Variants in TGFBR2 observed in about 807,000 individuals in gnomAD.
TGFBR2 encodes TGF-beta receptor type-2.
TGFBR2 carries 18 observed loss-of-function variants against 49.0 expected under a neutral mutation model. The observed-to-expected ratio is 0.37, with a 90% CI of 0.25 to 0.54. The LOEUF (loss-of-function observed/expected upper bound fraction) is 0.54. Ranked by LOEUF, TGFBR2 falls within the 20% of genes least tolerant of loss-of-function variation. The pLI is 0.85. For synonymous variants in TGFBR2, 282 were observed against 275.9 expected (o/e 1.02, Z -0.22); for missense variants, 525 against 722.6 (o/e 0.73, Z 3.13).
In TGFBR2 at chr3:30,693,296, G is replaced by A. The variant is rs1476116737; in HGVS notation, c.*1697G>A. 4.3e-6 allele frequency: 1 copy of A among 233,692 alleles called. No individual in the cohort carries two copies. Among genetic ancestry groups the A allele is most frequent in the African/African-American group, 2.2e-5 (1 of 45,348 alleles). 14.5% of individuals were successfully genotyped at this position (233,692 alleles called of 1,614,324 possible). A position where few individuals can be genotyped will look rare whatever the true frequency, so the allele number is the denominator to read the frequency against. On this transcript the variant is annotated 3_prime_UTR_variant, in exon 7 of 7. Transcript: ENST00000295754. Reference sequence around the variant, plus strand: ...AGAAATTACTAGAGAGGATTTGAATGTGGGACACAAAGGTCCCATTTGCAG... The same window carrying A: ...AGAAATTACTAGAGAGGATTTGAATATGGGACACAAAGGTCCCATTTGCAG...
chr3:30,657,249 G>A (rs1339145494), intron 3 of TGFBR2, among the ~76,000 whole-genome samples: 2 of 152,194 alleles, frequency 1.3e-5, no homozygotes, highest in Non-Finnish European at 2.9e-5. Flanking sequence ...ATGGGAGGCT[G>A]CACAACTTAC....
chr3:30,632,768 A>T (rs1476235382), intron 1 of TGFBR2, among the ~76,000 whole-genome samples: 1 of 152,188 alleles, frequency 6.6e-6, no homozygotes, highest in East Asian at 1.9e-4. Context: ...TTTGCTCTTC[A>T]TCATGATCCT....
chr3:30,668,971 C>T (rs569080624), intron 3 of TGFBR2, among the ~76,000 whole-genome samples: 5 of 151,998 alleles, frequency 3.3e-5, no homozygotes, highest in South Asian at 4.2e-4. Flanking sequence ...CTCACTGTTT[C>T]GTTAGATGAA....
chr3:30,666,138 A>G (rs1699238504), intron 3 of TGFBR2, among the ~76,000 whole-genome samples: 1 of 152,186 alleles, frequency 6.6e-6, no homozygotes. Context: ...TCACAGACCC[A>G]CTGAACTCTA....
chr3:30,636,011 C>A (rs1698521687), intron 1 of TGFBR2, among the ~76,000 whole-genome samples: 1 of 152,164 alleles, frequency 6.6e-6, no homozygotes, highest in South Asian at 2.1e-4. Context: ...TGTTGCCTCT[C>A]AAACTAGAAT....
At chr3:30,665,776 T>G (rs750006426) in intron 3 of TGFBR2, among the ~76,000 whole-genome samples, 1 of 152,244 alleles carries the variant, frequency 6.6e-6, no homozygotes, top group Non-Finnish European at 1.5e-5. Flanking sequence ...TGTGTGTCTG[T>G]GCCATGGACT....
chr3:30,629,383 G>T (rs896549054), intron 1 of TGFBR2, among the ~76,000 whole-genome samples: 1 of 152,160 alleles, frequency 6.6e-6, no homozygotes, highest in Non-Finnish European at 1.5e-5. Context: ...TCATGAACCA[G>T]CTCCTCCCAG....
chr3:30,641,805 C>T (rs949876937), intron 1 of TGFBR2, among the ~76,000 whole-genome samples: 16 of 151,946 alleles, frequency 1.1e-4, no homozygotes, highest in Admixed American at 1.3e-4. Context: ...TATTATATCT[C>T]GCCAGGGGCC....
rs1699655761 is a variant in TGFBR2, at chr3:30,688,145, T to C, written c.1397-239T>C. ...TTGTTGTCCACTGTGTCCCCCAGCG[T>C]AACACCTAGCACATTTTAAGTACTC... On this transcript the variant is annotated intron_variant, in intron 5 of 6. Coordinates refer to ENST00000295754, the MANE Select transcript of TGFBR2 (RefSeq NM_003242.6). 2.6e-5 allele frequency among the ~76,000 whole-genome samples: 4 copies of C among 152,234 alleles called. No individual in the cohort carries two copies. In the South Asian group the frequency reaches 6.2e-4, roughly 24 times the overall value.
intron 1 of TGFBR2, among the ~76,000 whole-genome samples, chr3:30,617,570 A>G (rs759319665): frequency 2.6e-5 from 4 of 152,110 alleles, no homozygotes; most frequent in Non-Finnish European, 5.9e-5. Context: ...ATACATTTCT[A>G]TTCTCTTAGG....
intron 1 of TGFBR2, among the ~76,000 whole-genome samples, chr3:30,633,645 A>G (rs143128865): frequency 6.6e-6 from 1 of 152,272 alleles, no homozygotes; most frequent in Non-Finnish European, 1.5e-5. Flanking sequence ...TCTCAAGAGG[A>G]GCATCTCAGC....
chr3:30,676,237 A>G lies in TGFBR2; in HGVS notation c.1396+1991A>G, dbSNP rs931774702. Among the ~76,000 whole-genome samples, 7 of 152,150 alleles carry G rather than the reference A, an allele frequency of 4.6e-5. No individual in the cohort carries two copies. Among genetic ancestry groups the G allele is most frequent in the African/African-American group, 7.2e-5 (3 of 41,422 alleles). ...TTTGGTTAAAGTGGGACCTGCTGCT[A>G]TTTGTCCATTTGTAAGTAATACATG... is the stretch of plus-strand genomic sequence containing the variant. On this transcript the variant is annotated intron_variant, in intron 5 of 6. Transcript: ENST00000295754. The surrounding 1 kb of genome is among the most constrained non-coding windows in gnomAD (Gnocchi z 4.3).
chr3:30,667,215 C>G (rs1309031443), intron 3 of TGFBR2, among the ~76,000 whole-genome samples: 1 of 152,160 alleles, frequency 6.6e-6, no homozygotes, highest in Non-Finnish European at 1.5e-5. Context: ...CAGCCAGGAA[C>G]TTAGTAAGTG....
intron 1 of TGFBR2, among the ~76,000 whole-genome samples, chr3:30,625,884 T>C (rs1224461559): frequency 6.6e-6 from 1 of 152,206 alleles, no homozygotes; most frequent in Non-Finnish European, 1.5e-5. Context: ...AGTACTACCA[T>C]GCCCCATCTC....
chr3:30,630,543 T>C (rs1161094668), intron 1 of TGFBR2, among the ~76,000 whole-genome samples: 1 of 152,232 alleles, frequency 6.6e-6, no homozygotes, highest in Non-Finnish European at 1.5e-5. Context: ...TTAAAATCAC[T>C]GCTGGAATCT....
chr3:30,688,637 A>G, intron 6 of TGFBR2, 126 bp downstream of exon 6: 1 of 1,385,360 alleles, frequency 7.2e-7, no homozygotes, highest in Non-Finnish European at 1.0e-6. Flanking sequence ...GCCCTGTTAA[A>G]TTTTGTTTAT....
Position 30,614,014 on chromosome 3 carries a change from G to C in TGFBR2, c.94+7037G>C, listed in dbSNP as rs536646870. 8.6e-5 allele frequency among the ~76,000 whole-genome samples: 13 copies of C among 151,692 alleles called. No individual in the cohort carries two copies. The East Asian group carries it at 2.3e-3, about 27-fold the overall frequency. Reference sequence around the variant, plus strand: ...ACATTGAACATTAAAGAAAAAATGAGTTACTTTGTAGACATAGTGCTCTAT... The same window carrying C: ...ACATTGAACATTAAAGAAAAAATGACTTACTTTGTAGACATAGTGCTCTAT... On this transcript the variant is annotated intron_variant, in intron 1 of 6. Coordinates refer to ENST00000295754, the MANE Select transcript of TGFBR2 (RefSeq NM_003242.6).
intron 1 of TGFBR2, among the ~76,000 whole-genome samples, chr3:30,609,643 A>G (rs1262064500): frequency 2.6e-5 from 4 of 152,216 alleles, no homozygotes; most frequent in South Asian, 2.1e-4. Flanking sequence ...TCAGGTCTGA[A>G]AAATATGACT....
chr3:30,671,526 C>T, intron 3 of TGFBR2, 112 bp from the exon 4 acceptor site: 1 of 1,113,546 alleles, frequency 9.0e-7, no homozygotes, highest in Non-Finnish European at 1.3e-6. Flanking sequence ...ATCGTATCTA[C>T]AAAAACTATG....
Sources: gnomAD v4.1 joint callset for allele counts (sites outside exome capture counted in the v4.1 genomes callset) on GRCh38, gnomAD v4.1.1 for gene constraint, Gnocchi (gnomAD v3.1) non-coding constraint, MANE v1.5 for transcripts, NCBI Gene and HGNC (gene_info 2026-07-23, HGNC 2026-07-21) for gene names.